IL3RA: variants seen among roughly 807,000 people sequenced by gnomAD.
IL3RA encodes interleukin-3 receptor subunit alpha.
A neutral mutation model predicts 52.3 loss-of-function variants in IL3RA; 73 were observed. The ratio of observed to expected loss-of-function variants is 1.40; its 90% CI spans 1.16 to 1.70. IL3RA has a LOEUF of 1.70. Among genes scored for constraint, IL3RA ranks in the 40% most tolerant of loss-of-function variants. The pLI is 0.00. For synonymous variants in IL3RA, 260 were observed against 194.0 expected (o/e 1.34, Z -2.83); for missense variants, 664 against 504.4 (o/e 1.32, Z -3.03).
At chrX:1,344,498 G>C (rs1397385948) in intron 2 of IL3RA, among the ~76,000 whole-genome samples, 3 of 151,728 alleles carry the variant, frequency 2.0e-5, no homozygotes, top group African/African-American at 4.8e-5. Context: ...ATATCAACTG[G>C]GCATGGTGGC....
intron 8 of IL3RA, among the ~76,000 whole-genome samples, chrX:1,363,502 G>GTGTTAGCCAGAA (rs1556634647): frequency 6.6e-6 from 1 of 150,952 alleles, no homozygotes; most frequent in Non-Finnish European, 1.5e-5. Context: ...GGGTTTCACT[G>GTGTTAGCCAGAA]TGGTCTCGAT....
chrX:1,367,233 G>C (rs1179882331), intron 9 of IL3RA, among the ~76,000 whole-genome samples: 2 of 41,518 alleles, frequency 4.8e-5, no homozygotes, highest in Admixed American at 2.4e-4. Flanking sequence ...CCGGGTGCGC[G>C]GGGTGCGCGG....
At position 1,382,639 on chromosome X, in the gene IL3RA, GA is replaced by G. The variant is rs2089234260; in HGVS notation, c.*176del. ...TCCGAAGCTGCCAGGAAGAAGAACA[GA>G]ACTTTGTGTGTTTATTTCATGATAA... On this transcript the variant is annotated 3_prime_UTR_variant, in exon 12 of 12. Coordinates refer to ENST00000331035, the MANE Select transcript of IL3RA (RefSeq NM_002183.4). The G allele has an allele frequency of 1.9e-5, 12 of 645,338 alleles. No homozygotes were observed. The East Asian group carries it at 2.9e-4, about 15-fold the overall frequency. 40.0% of individuals were successfully genotyped at this position (645,338 alleles called of 1,614,324 possible).
intron 1 of IL3RA, among the ~76,000 whole-genome samples, chrX:1,339,926 T>A (rs767262354): frequency 4.3e-4 from 66 of 152,098 alleles, no homozygotes; most frequent in African/African-American, 1.6e-3. Flanking sequence ...TGTACCCCCT[T>A]GTTACGGTAA....
rs756858952 is a variant in IL3RA, at chrX:1,380,782, C to CT, written c.981-240dup. Among the ~76,000 whole-genome samples the CT allele has an allele frequency of 2.9e-3, 437 of 151,744 alleles. 2 individuals are homozygous for CT. The highest frequency in any genetic ancestry group is 9.8e-3 in the African/African-American group (406 of 41,340). On this transcript the variant is annotated intron_variant, in intron 10 of 11. Transcript: ENST00000331035. ...AGGCACCAGGGGTCTGTCTTTGCAG[C>CT]TGCACCCCTGGGTGGCTCCGGTACC... is the stretch of plus-strand genomic sequence containing the variant.
chrX:1,363,037 A>G (rs2087586108), intron 8 of IL3RA, among the ~76,000 whole-genome samples: 1 of 151,872 alleles, frequency 6.6e-6, no homozygotes, highest in Non-Finnish European at 1.5e-5. Flanking sequence ...CAGCCTCCCA[A>G]AGTGCTGGGA....
chrX:1,380,234 G>T (rs2089078776), intron 10 of IL3RA, among the ~76,000 whole-genome samples: 1 of 145,686 alleles, frequency 6.9e-6, no homozygotes, highest in Non-Finnish European at 1.5e-5. Flanking sequence ...CTCCATGTTG[G>T]TCAGGCTGTT....
intron 9 of IL3RA, among the ~76,000 whole-genome samples, chrX:1,367,692 G>A (rs763479184): frequency 0.16 from 13,877 of 88,566 alleles, 667 homozygotes; most frequent in East Asian, 0.3. Context: ...CGGGGTGCGC[G>A]GGGTGAGCCG....
In IL3RA at chrX:1,345,392, G is replaced by A. The variant is rs752391541; in HGVS notation, c.141G>A (p.Val47=). 8.7e-6 allele frequency: 14 copies of A among 1,610,234 alleles called. No individual in the cohort carries two copies. The highest frequency in any genetic ancestry group is 1.2e-5 in the Non-Finnish European group (14 of 1,177,682). Residue 47 remains valine (V), a synonymous_variant, in exon 3 of 12, where the codon GTG becomes GTA. Transcript: ENST00000331035. The part of the protein sequence containing the change: ...QQLTWDLNRN[V]TDIECVKDAD... Reference sequence around the variant, plus strand: ...TGACCTGGGACCTTAACAGAAATGTGACCGATATCGAGTGTGTTAAAGACG... The same window carrying A: ...TGACCTGGGACCTTAACAGAAATGTAACCGATATCGAGTGTGTTAAAGACG...
chrX:1,345,643 C>A (rs746824694), intron 3 of IL3RA, among the ~76,000 whole-genome samples: 3 of 151,664 alleles, frequency 2.0e-5, no homozygotes, highest in African/African-American at 7.3e-5. Flanking sequence ...GCGCCCGCCA[C>A]CATGCCCGGC....
chrX:1,345,818 G>A (rs1432453455), intron 3 of IL3RA, among the ~76,000 whole-genome samples: 54 of 151,896 alleles, frequency 3.6e-4, no homozygotes, highest in Non-Finnish European at 6.9e-4. Flanking sequence ...CGAACAAGAC[G>A]TTTCCGTCTT....
intron 3 of IL3RA, 78 bp from the exon 4 acceptor site, chrX:1,348,353 C>A (rs17883410): frequency 8.5e-7 from 1 of 1,177,682 alleles, no homozygotes; most frequent in Non-Finnish European, 1.3e-6. Context: ...AACTCTGCCT[C>A]AAAAAAAATC....
At position 1,356,268 on chromosome X, in the gene IL3RA, T is replaced by A; in HGVS notation, c.664T>A (p.Ser222Thr). 6.2e-7 allele frequency: 1 copy of A among 1,613,694 alleles called. No individual in the cohort carries two copies. Among genetic ancestry groups the A allele is most frequent in the Admixed American group, 1.7e-5 (1 of 59,986 alleles). Residue 222 changes from serine (S) to threonine (T), a missense_variant, in exon 7 of 12, where the codon TCC becomes ACC. Ser to Thr is a moderately conservative substitution (Grantham distance 58). Transcript: ENST00000331035. The stretch of plus-strand genomic sequence containing the variant: ...GACTGCAAAGTGTAATAAGACACAT[T>A]CCTTTATGCACTGGAAAATGAGAAG... ...NMTAKCNKTH[S>T]FMHWKMRSHF...
At chrX:1,377,727 G>A (rs1159911444) in intron 9 of IL3RA, among the ~76,000 whole-genome samples, 7 of 149,154 alleles carry the variant, frequency 4.7e-5, no homozygotes, top group South Asian at 2.1e-4. Flanking sequence ...GGGCAGTGGC[G>A]CGATCACGGC....
intron 10 of IL3RA, among the ~76,000 whole-genome samples, chrX:1,379,681 G>A (rs2089038448): frequency 1.3e-5 from 2 of 152,276 alleles, no homozygotes; most frequent in African/African-American, 4.8e-5. Flanking sequence ...GAACGTCACA[G>A]CTGTCCACTT....
Position 1,382,559 on chromosome X carries a change from C to T in IL3RA, c.*94C>T. ...GGCTGCTGGACCTGCGCACGCAGCC[C>T]AGGAATGGACATTCCTAACGGGTGG... On this transcript the variant is annotated 3_prime_UTR_variant, in exon 12 of 12. Transcript: ENST00000331035. The T allele has an allele frequency of 8.9e-7, 1 of 1,123,086 alleles. No homozygotes were observed. Among genetic ancestry groups the T allele is most frequent in the Admixed American group, 1.7e-5 (1 of 58,598 alleles). 69.6% of individuals were successfully genotyped at this position (1,123,086 alleles called of 1,614,324 possible).
chrX:1,368,649 G>A (rs1249605333), intron 9 of IL3RA, among the ~76,000 whole-genome samples: 1 of 152,102 alleles, frequency 6.6e-6, no homozygotes, highest in African/African-American at 2.4e-5. Flanking sequence ...ACAGGACTGG[G>A]GTCCTTATAA....
Position 1,349,327 on chromosome X carries a change from G to A in IL3RA, c.298+782G>A, listed in dbSNP as rs1281810907. Among the ~76,000 whole-genome samples the A allele has an allele frequency of 1.4e-4, 21 of 150,406 alleles. No homozygotes were observed. The South Asian group carries it at 2.3e-3, about 17-fold the overall frequency. On this transcript the variant is annotated intron_variant, in intron 4 of 11. Coordinates refer to ENST00000331035, the MANE Select transcript of IL3RA (RefSeq NM_002183.4). ...CTCCCGAGTAGCTGGGATTATAGGCGCCCACCGCCACGCCCAGCTAATTCT... is the reference window on the plus strand; with the variant it reads ...CTCCCGAGTAGCTGGGATTATAGGCACCCACCGCCACGCCCAGCTAATTCT...
In IL3RA at chrX:1,365,262, C is replaced by T; in HGVS notation, c.874+10C>T. On this transcript the variant is annotated intron_variant, in intron 9 of 11. Coordinates refer to ENST00000331035, the MANE Select transcript of IL3RA (RefSeq NM_002183.4). ...ACCCCCCAGCGCTTCGGTGAGTGGG[C>T]TGTGCGGGGTGCGCGGGGTGAGCGG... 3 of 1,518,086 alleles carry T rather than the reference C, an allele frequency of 2.0e-6. No individual in the cohort carries two copies. Among genetic ancestry groups the T allele is most frequent in the East Asian group, 2.5e-5 (1 of 40,650 alleles). The allele number at this position is 1,518,086 out of a possible 1,614,324, so 94.0% of individuals were successfully genotyped here.
Sources: allele counts gnomAD v4.1 joint callset (sites outside exome capture counted in the v4.1 genomes callset), GRCh38; gene constraint gnomAD v4.1.1; transcripts MANE v1.5; gene names NCBI Gene and HGNC (gene_info 2026-07-23, HGNC 2026-07-21).